The following DLG2 variants were observed in gnomAD, a reference collection of about 807,000 sequenced individuals.
DLG2 encodes discs large MAGUK scaffold protein 2.
Under a neutral mutation model 132.5 loss-of-function variants are expected in DLG2, and 45 were observed. The observed-to-expected ratio is 0.34, with a 90% CI of 0.27 to 0.44. The LOEUF (loss-of-function observed/expected upper bound fraction) is 0.44. DLG2 is among the 20% of genes least tolerant of loss of function. The probability of loss-of-function intolerance (pLI) is 1.00; values close to 1 mark genes in which losing one functional copy is unlikely to be tolerated. For synonymous variants in DLG2, 424 were observed against 419.6 expected, an observed-to-expected ratio of 1.01 and a Z score of -0.13; for missense variants, 1,045 against 1,196.9, an observed-to-expected ratio of 0.87 and a Z score of 1.87.
intron 24 of DLG2, 119 bp downstream of exon 24, chr11:83,471,507 A>G: frequency 1.4e-6 from 1 of 695,578 alleles, no homozygotes. Context: ...AGCTAATCGG[A>G]AATGGTTGGT....
In DLG2 at chr11:84,058,849, C is replaced by T. The variant is rs535525002; in HGVS notation, c.919+466G>A. Among the ~76,000 whole-genome samples the T allele has an allele frequency of 1.2e-3, 180 of 151,970 alleles. 1 individual carries two copies. Among genetic ancestry groups the T allele is most frequent in the Admixed American group, 1.8e-3 (28 of 15,256 alleles). On this transcript the variant is annotated intron_variant, in intron 11 of 27. Transcript: ENST00000376104. ...TTTGGCTACTGCAAGCATAAAATGT[C>T]ATGTAATATTGGGTACAACACATAA...
intron 6 of DLG2, among the ~76,000 whole-genome samples, chr11:84,843,169 A>T (rs1450749935): frequency 1.3e-5 from 2 of 151,976 alleles, no homozygotes; most frequent in Non-Finnish European, 2.9e-5. Flanking sequence ...AGTAATGGAT[A>T]TGTTGATTAG....
chr11:83,745,820 G>C (rs1275262112), intron 18 of DLG2, among the ~76,000 whole-genome samples: 1 of 151,612 alleles, frequency 6.6e-6, no homozygotes, highest in East Asian at 1.9e-4. Context: ...AAAAATTTTT[G>C]CAATCTACTC....
intron 20 of DLG2, among the ~76,000 whole-genome samples, chr11:83,536,564 T>C (rs1183364575): frequency 3.4e-5 from 4 of 116,398 alleles, no homozygotes; most frequent in Admixed American, 2.4e-4. Context: ...AATAACGTGG[T>C]GTTTTTTTTT....
intron 8 of DLG2, among the ~76,000 whole-genome samples, chr11:84,175,496 A>AACT (rs2095937740): frequency 6.6e-6 from 1 of 152,146 alleles, no homozygotes; most frequent in African/African-American, 2.4e-5. Context: ...CAAAGGCGTG[A>AACT]ACTGCCTTAA....
chr11:84,170,917 A>C (rs1348508590), intron 8 of DLG2, among the ~76,000 whole-genome samples: 1 of 152,062 alleles, frequency 6.6e-6, no homozygotes, highest in Non-Finnish European at 1.5e-5. Flanking sequence ...AAAGATCCTA[A>C]CTGGCAACCC....
chr11:85,308,529 C>T (rs1356529448), intron 3 of DLG2, among the ~76,000 whole-genome samples: 2 of 152,152 alleles, frequency 1.3e-5, no homozygotes, highest in African/African-American at 4.8e-5. Context: ...GAGCAAAGCT[C>T]CTATCCAGCA....
At chr11:83,967,149 G>C (rs1299557575) in intron 12 of DLG2, among the ~76,000 whole-genome samples, 2 of 152,102 alleles carry the variant, frequency 1.3e-5, no homozygotes, top group African/African-American at 4.8e-5. Flanking sequence ...CAGGCATGAA[G>C]GTCGTTGCCA....
intron 3 of DLG2, among the ~76,000 whole-genome samples, chr11:85,577,142 G>A (rs948377330): frequency 6.6e-6 from 1 of 152,156 alleles, no homozygotes; most frequent in Non-Finnish European, 1.5e-5. Flanking sequence ...GCCAGTGAAA[G>A]ATTTTTAAAA....
intron 15 of DLG2, among the ~76,000 whole-genome samples, chr11:83,918,483 G>T (rs1366883788): frequency 5.3e-5 from 8 of 152,122 alleles, no homozygotes; most frequent in Non-Finnish European, 1.0e-4. Flanking sequence ...TCTAAGAAAA[G>T]GTTTGTTGCT....
At chr11:84,563,192 A>G (rs1212370068) in intron 6 of DLG2, among the ~76,000 whole-genome samples, 1 of 152,202 alleles carries the variant, frequency 6.6e-6, no homozygotes, top group East Asian at 1.9e-4. Context: ...ATGAAGGAAG[A>G]ATCCAGTTGG....
intron 3 of DLG2, among the ~76,000 whole-genome samples, chr11:85,379,404 C>A (rs994179536): frequency 6.6e-6 from 1 of 152,110 alleles, no homozygotes; most frequent in Non-Finnish European, 1.5e-5. Context: ...AAAAAATCAT[C>A]TCCTAGTACA....
At chr11:85,466,328 G>A (rs1337529484) in intron 3 of DLG2, among the ~76,000 whole-genome samples, 2 of 152,288 alleles carry the variant, frequency 1.3e-5, no homozygotes, top group East Asian at 3.9e-4. Flanking sequence ...GATCCTGTTT[G>A]TCAATTTTGG....
intron 3 of DLG2, among the ~76,000 whole-genome samples, chr11:85,549,208 C>A (rs1377976283): frequency 6.6e-6 from 1 of 152,106 alleles, no homozygotes; most frequent in Non-Finnish European, 1.5e-5. Context: ...GGTACAGTCC[C>A]TAATGGCTTC....
At chr11:84,749,207 C>T (rs1288166431) in intron 6 of DLG2, among the ~76,000 whole-genome samples, 2 of 152,152 alleles carry the variant, frequency 1.3e-5, no homozygotes, top group African/African-American at 4.8e-5. Context: ...GTCTCACTCA[C>T]CTGCAATGTC....
chr11:84,766,488 G>T (rs1323757607), intron 6 of DLG2, among the ~76,000 whole-genome samples: 1 of 152,018 alleles, frequency 6.6e-6, no homozygotes, highest in Admixed American at 6.6e-5. Flanking sequence ...ATGCTGCTTA[G>T]AACACCACTT....
At chr11:84,639,963 GC>G (rs2099653533) in intron 6 of DLG2, 1 of 198,372 alleles carries the variant, frequency 5.0e-6, no homozygotes, top group Non-Finnish European at 1.0e-5. Flanking sequence ...TAAAATTTTT[GC>G]TTCACTCTTT....
rs555164936 is a variant in DLG2, at chr11:84,627,020, C to T, written c.358-92289G>A. Reference sequence around the variant, plus strand: ...CCTAGTAGCTGGGATTACAGATGCCCGCCACCACGCCCGCTAATTTTCGTA... The same window carrying T: ...CCTAGTAGCTGGGATTACAGATGCCTGCCACCACGCCCGCTAATTTTCGTA... On this transcript the variant is annotated intron_variant, in intron 6 of 27. Transcript: ENST00000376104. Among the ~76,000 whole-genome samples the T allele has an allele frequency of 9.9e-5, 15 of 152,024 alleles. No homozygotes were observed. The South Asian group carries it at 1.5e-3, about 15-fold the overall frequency.
Position 84,304,002 on chromosome 11 carries a change from C to T in DLG2, c.520-52711G>A, listed in dbSNP as rs373685443. On this transcript the variant is annotated intron_variant, in intron 7 of 27. Coordinates refer to ENST00000376104, the MANE Select transcript of DLG2 (RefSeq NM_001142699.3). ...GCACTAGGGAAACAGGTAAATAAGA[C>T]AGGTCATGCTCTAAGGAAATTCAGG... 4.3e-4 allele frequency among the ~76,000 whole-genome samples: 65 copies of T among 152,220 alleles called. 1 individual carries two copies. In the South Asian group the frequency reaches 0.013, roughly 31 times the overall value.
Sources: gnomAD v4.1 joint callset for allele counts (sites outside exome capture counted in the v4.1 genomes callset) on GRCh38, gnomAD v4.1.1 for gene constraint, MANE v1.5 for transcripts, NCBI Gene and HGNC (gene_info 2026-07-23, HGNC 2026-07-21) for gene names.